The following EEPD1 variants were observed in gnomAD, a reference collection of about 807,000 sequenced individuals.
EEPD1 encodes the protein endonuclease/exonuclease/phosphatase family domain-containing protein 1.
EEPD1 carries 17 observed loss-of-function variants against 46.3 expected under a neutral mutation model. The observed-to-expected ratio is 0.37, with a 90% confidence interval of 0.25 to 0.55. The LOEUF (loss-of-function observed/expected upper bound fraction) is 0.55, where lower values mean the gene tolerates loss of function less well. EEPD1 is among the 20% of genes least tolerant of loss of function. The pLI, the probability that EEPD1 is intolerant of heterozygous loss-of-function variation, is 0.83. For synonymous variants in EEPD1, 313 were observed against 315.6 expected (o/e 0.99, Z 0.09); for missense variants, 673 against 745.6 (o/e 0.90, Z 1.13).
In EEPD1 at chr7:36,154,896, T is replaced by A; in HGVS notation, c.572T>A (p.Ile191Asn). 6.2e-7 allele frequency: 1 copy of A among 1,614,046 alleles called. No individual in the cohort carries two copies. The highest frequency in any genetic ancestry group is 8.5e-7 in the Non-Finnish European group (1 of 1,180,014). Residue 191 changes from isoleucine (I) to asparagine (N), a missense_variant, in exon 2 of 8, where the codon ATC becomes AAC. Transcript: ENST00000242108. This position sits in a 1 kb window ranked among gnomAD's most constrained non-coding sequence, Gnocchi z 4.2. ...ATCAATGCCGCCTTCCTGGACAGGA[T>A]CCGGCACCAGGTGTTTGCTGAGAGG... ...DGINAAFLDR[I>N]RHQVFAERSR...
At chr7:36,250,776 G>A (rs1583466753) in intron 3 of EEPD1, among the ~76,000 whole-genome samples, 2 of 152,150 alleles carry the variant, frequency 1.3e-5, no homozygotes, top group African/African-American at 4.8e-5. Context: ...TCCACATATA[G>A]AGGTACTCAT....
chr7:36,252,658 G>T (rs768359732), intron 3 of EEPD1, among the ~76,000 whole-genome samples: 4 of 151,946 alleles, frequency 2.6e-5, no homozygotes, highest in Non-Finnish European at 4.4e-5. Flanking sequence ...CCAAAGTGTG[G>T]CCAAAACAGG....
intron 2 of EEPD1, among the ~76,000 whole-genome samples, chr7:36,215,563 GA>G (rs1786017131): frequency 6.6e-6 from 1 of 152,244 alleles, no homozygotes; most frequent in African/African-American, 2.4e-5. Flanking sequence ...TCTCAATGCA[GA>G]ATAAGTGCCC....
At position 36,284,773 on chromosome 7, in the gene EEPD1, G is replaced by A. The variant is rs1443568521; in HGVS notation, c.1129G>A (p.Gly377Arg). 11 of 1,594,900 alleles carry A rather than the reference G, an allele frequency of 6.9e-6. No homozygotes were observed. The highest frequency in any genetic ancestry group is 3.4e-5 in the Admixed American group (2 of 58,114). The change falls in exon 5 of 8, where the codon GGG becomes AGG. Residue 377 changes from glycine (G) to arginine (R), a missense_variant. Physicochemically the swap from Gly to Arg is moderately radical, Grantham distance 125. Transcript: ENST00000242108. ...AGSQESSPSN[G>R]HGKLAGPSPY... ...TTCACAGGAGAGCTCGCCAAGCAAC[G>A]GGCACGGGAAGCTGGCGGGCCCCAG...
intron 5 of EEPD1, among the ~76,000 whole-genome samples, chr7:36,285,416 G>A (rs1787328542): frequency 6.6e-6 from 1 of 152,154 alleles, no homozygotes; most frequent in South Asian, 2.1e-4. Flanking sequence ...TGTGGGCCAG[G>A]GGCAGTCCTG....
At chr7:36,286,087 G>A (rs986873506) in intron 5 of EEPD1, among the ~76,000 whole-genome samples, 3 of 152,128 alleles carry the variant, frequency 2.0e-5, no homozygotes, top group African/African-American at 7.2e-5. Context: ...TGGCCACCTG[G>A]GGTTATGGCC....
intron 3 of EEPD1, among the ~76,000 whole-genome samples, chr7:36,258,541 A>C (rs1786862391): frequency 6.6e-6 from 1 of 152,310 alleles, no homozygotes; most frequent in Admixed American, 6.5e-5. Flanking sequence ...GGAGGAATCT[A>C]GAGAGGCAGT....
intron 5 of EEPD1, among the ~76,000 whole-genome samples, chr7:36,285,963 G>A (rs532786291): frequency 2.0e-5 from 3 of 152,130 alleles, no homozygotes; most frequent in Non-Finnish European, 1.5e-5. Context: ...GTACACCTGG[G>A]GGTGTCCATG....
chr7:36,163,347 C>T (rs1784929867), intron 2 of EEPD1, among the ~76,000 whole-genome samples: 2 of 151,812 alleles, frequency 1.3e-5, no homozygotes, highest in Non-Finnish European at 2.9e-5. Context: ...CTTCATGTCC[C>T]TCTACTCTCC....
At chr7:36,271,720 C>CTTCTAGGGTTTTT (rs60503175) in intron 3 of EEPD1, among the ~76,000 whole-genome samples, 27,158 of 55,024 alleles carry the variant, frequency 0.49, 12,312 homozygotes, top group Non-Finnish European at 0.64. Flanking sequence ...CCTAGGTTTT[C>CTTCTAGGGTTTTT]ATGGTTTTAG....
chr7:36,199,476 G>C (rs948144598), intron 2 of EEPD1, among the ~76,000 whole-genome samples: 18 of 152,054 alleles, frequency 1.2e-4, no homozygotes, highest in Admixed American at 3.9e-4. Context: ...GCATTTTTTG[G>C]GAATGAGGCC....
intron 3 of EEPD1, among the ~76,000 whole-genome samples, chr7:36,271,834 C>A (rs935114106): frequency 1.1e-5 from 1 of 92,382 alleles, no homozygotes; most frequent in Admixed American, 1.0e-4. Context: ...CTATTCTATT[C>A]TATTCTATTC....
chr7:36,167,828 G>T (rs1562671388), intron 2 of EEPD1, among the ~76,000 whole-genome samples: 1 of 152,090 alleles, frequency 6.6e-6, no homozygotes, highest in Non-Finnish European at 1.5e-5. Context: ...CGATTCTCCT[G>T]CCTCAGCCTG....
intron 3 of EEPD1, among the ~76,000 whole-genome samples, chr7:36,270,195 A>G (rs1391032501): frequency 6.6e-6 from 1 of 152,212 alleles, no homozygotes; most frequent in Non-Finnish European, 1.5e-5. Context: ...TCCACCAAAA[A>G]TATTAGCAGT....
intron 2 of EEPD1, among the ~76,000 whole-genome samples, chr7:36,156,999 A>G (rs986742464): frequency 6.6e-6 from 1 of 152,124 alleles, no homozygotes; most frequent in Non-Finnish European, 1.5e-5. Flanking sequence ...AGTTGTGTCT[A>G]TACTGAACAT....
At position 36,300,560 on chromosome 7, in the gene EEPD1, AT is replaced by A; in HGVS notation, c.*1355del. 6.6e-6 allele frequency: 1 copy of A among 152,284 alleles called. No individual in the cohort carries two copies. The allele number at this position is 152,284 out of a possible 1,614,324, so 9.4% of individuals were successfully genotyped here. A position where few individuals can be genotyped will look rare whatever the true frequency, so the allele number is the denominator to read the frequency against. On this transcript the variant is annotated 3_prime_UTR_variant, in exon 8 of 8. Transcript: ENST00000242108. ...CTTAGATTACCTAGATTATTCCAGTATCCCATGGAAGCTGAGGACTTATTCC... is the reference window on the plus strand; with the variant it reads ...CTTAGATTACCTAGATTATTCCAGTACCCATGGAAGCTGAGGACTTATTCC...
chr7:36,295,507 G>A (rs1008790446), intron 6 of EEPD1, among the ~76,000 whole-genome samples: 1 of 152,206 alleles, frequency 6.6e-6, no homozygotes, highest in African/African-American at 2.4e-5. Context: ...CAGATAACAT[G>A]TGTAGATACT....
intron 6 of EEPD1, among the ~76,000 whole-genome samples, chr7:36,291,652 G>A (rs1787441780): frequency 6.6e-6 from 1 of 152,220 alleles, no homozygotes; most frequent in Admixed American, 6.5e-5. Context: ...ATGCACATGC[G>A]CCCTCTGGTG....
chr7:36,237,250 A>G (rs186436902), intron 2 of EEPD1, among the ~76,000 whole-genome samples: 67 of 152,330 alleles, frequency 4.4e-4, no homozygotes, highest in African/African-American at 1.5e-3. Context: ...CACCATCTTT[A>G]AGAACTGTAA....
Sources: gnomAD v4.1 joint callset for allele counts (sites outside exome capture counted in the v4.1 genomes callset) on GRCh38, gnomAD v4.1.1 for gene constraint, Gnocchi (gnomAD v3.1) non-coding constraint, MANE v1.5 for transcripts, NCBI Gene and HGNC (gene_info 2026-07-23, HGNC 2026-07-21) for gene names.